Variants in ATXN3 observed in about 807,000 individuals in gnomAD.
ATXN3 encodes ataxin-3.
Under a neutral mutation model 58.2 loss-of-function variants are expected in ATXN3, and 28 were observed. The ratio of observed to expected loss-of-function variants is 0.48; its 90% confidence interval spans 0.36 to 0.66. ATXN3 has a LOEUF of 0.66. Among genes scored for constraint, ATXN3 ranks in the 30% least tolerant of loss-of-function variants. The pLI is 0.00. For missense variants in ATXN3, 321 were observed against 422.1 expected (o/e 0.76, Z 2.10); for synonymous variants, 113 against 138.5 (o/e 0.82, Z 1.29).
At chr14:92,099,955 G>A (rs996976543) in intron 1 of ATXN3, among the ~76,000 whole-genome samples, 3 of 149,546 alleles carry the variant, frequency 2.0e-5, no homozygotes, top group Non-Finnish European at 3.0e-5. Flanking sequence ...AGGAAGGAAG[G>A]AAGAAAAAGA....
chr14:92,077,658 C>G (rs1477253319), intron 9 of ATXN3: 1 of 127,132 alleles, frequency 7.9e-6, no homozygotes, highest in Non-Finnish European at 1.7e-5. Flanking sequence ...TTTTTTTTTT[C>G]TTTTTGAGAC....
At chr14:92,070,599 G>T in intron 10 of ATXN3, 2 of 571,458 alleles carry the variant, frequency 3.5e-6, no homozygotes, top group Non-Finnish European at 5.7e-6. Context: ...AAATATCCAT[G>T]ATGTCTAAGG....
intron 5 of ATXN3, among the ~76,000 whole-genome samples, chr14:92,092,931 T>C (rs1250333528): frequency 6.6e-6 from 1 of 151,356 alleles, no homozygotes; most frequent in Non-Finnish European, 1.5e-5. Flanking sequence ...GACAAAATCA[T>C]AGTTCACTGC....
chr14:92,093,943 G>C (rs934588811), intron 3 of ATXN3, 112 bp from the exon 4 acceptor site: 2 of 542,288 alleles, frequency 3.7e-6, no homozygotes. Context: ...GAAGGCTATA[G>C]GTTTTTTTTT....
chr14:92,081,483 A>AAAAG (rs2061470062), intron 8 of ATXN3, among the ~76,000 whole-genome samples: 1 of 149,144 alleles, frequency 6.7e-6, no homozygotes, highest in Non-Finnish European at 1.5e-5. Flanking sequence ...AAAAAAAAAA[A>AAAAG]AAAGAAAGAA....
intron 1 of ATXN3, among the ~76,000 whole-genome samples, chr14:92,101,018 A>G (rs957070022): frequency 1.4e-5 from 2 of 146,934 alleles, no homozygotes; most frequent in Admixed American, 7.2e-5. Context: ...TTTGATTAAA[A>G]TTCTCTCTAT....
At chr14:92,050,299 A>G (rs2057443681), upstream of ATXN3, 2 of 152,162 alleles carry the variant, frequency 1.3e-5, no homozygotes, top group South Asian at 2.1e-4. Flanking sequence ...TTGCTTTTGC[A>G]TATGTTTGAA....
At position 92,088,849 on chromosome 14, in the gene ATXN3, G is replaced by A. The variant is rs201197090; in HGVS notation, c.388-32C>T. 89 of 1,268,112 alleles carry A rather than the reference G, an allele frequency of 7.0e-5. No homozygotes were observed. In the African/African-American group the frequency reaches 1.1e-3, roughly 15 times the overall value. The allele number at this position is 1,268,112 out of a possible 1,614,324, so 78.6% of individuals were successfully genotyped here. On this transcript the variant is annotated intron_variant, in intron 5 of 10. Transcript: ENST00000644486. ...AAAAATTGTCAATATTTAAGTTAGTGTATATTATAGGTAATAAGGAAGTTT... is the reference window on the plus strand; with the variant it reads ...AAAAATTGTCAATATTTAAGTTAGTATATATTATAGGTAATAAGGAAGTTT...
intron 1 of ATXN3, among the ~76,000 whole-genome samples, chr14:92,048,277 G>A (rs1251359910): frequency 6.6e-6 from 1 of 152,182 alleles, no homozygotes; most frequent in Non-Finnish European, 1.5e-5. Context: ...GTCTCACAGT[G>A]GAGGCAAGGA....
intron 5 of ATXN3, among the ~76,000 whole-genome samples, chr14:92,092,497 C>T (rs1173466382): frequency 6.6e-6 from 1 of 152,206 alleles, no homozygotes; most frequent in Non-Finnish European, 1.5e-5. Context: ...AATAATCTTA[C>T]ACTAAAGCAA....
intron 2 of ATXN3, among the ~76,000 whole-genome samples, chr14:92,045,257 G>T (rs1025836420): frequency 6.6e-6 from 1 of 152,142 alleles, no homozygotes; most frequent in Admixed American, 6.5e-5. Context: ...GATTGAGGAC[G>T]GTAAGGGGTA....
chr14:92,083,589 G>T (rs2061857576), intron 6 of ATXN3: 2 of 404,864 alleles, frequency 4.9e-6, no homozygotes, highest in Admixed American at 3.4e-5. Context: ...GTCAGAGTGG[G>T]TAACAGCAAC....
In ATXN3 at chr14:92,062,878, T is replaced by C. The variant is rs1054472639; in HGVS notation, c.*1442A>G. 7.2e-5 allele frequency: 11 copies of C among 152,666 alleles called. No individual in the cohort carries two copies. The highest frequency in any genetic ancestry group is 2.7e-4 in the African/African-American group (11 of 41,462). 9.5% of individuals were successfully genotyped at this position (152,666 alleles called of 1,614,324 possible). Reference sequence around the variant, plus strand: ...ACCAGGAGGGCAATATACCATATTATAATTTTCGAAGTTGTCAGCTGAAAT... The same window carrying C: ...ACCAGGAGGGCAATATACCATATTACAATTTTCGAAGTTGTCAGCTGAAAT... On this transcript the variant is annotated 3_prime_UTR_variant, in exon 11 of 11. Transcript: ENST00000644486.
At chr14:92,056,712 AG>A (rs2057468301), downstream of ATXN3, among the ~76,000 whole-genome samples, 1 of 152,194 alleles carries the variant, frequency 6.6e-6, no homozygotes, top group African/African-American at 2.4e-5. Flanking sequence ...TGAAGAATAC[AG>A]AAGATGGATC....
At chr14:92,072,051 A>G (rs906698772) in intron 9 of ATXN3, among the ~76,000 whole-genome samples, 2 of 152,246 alleles carry the variant, frequency 1.3e-5, no homozygotes, top group African/African-American at 4.8e-5. Context: ...TGATAAATGA[A>G]ATAAATGAAA....
At chr14:92,099,930 A>G (rs889890483) in intron 1 of ATXN3, among the ~76,000 whole-genome samples, 3 of 151,744 alleles carry the variant, frequency 2.0e-5, no homozygotes, top group African/African-American at 7.3e-5. Context: ...AAGGAAAGAA[A>G]GAAGAAAGAA....
downstream of ATXN3, among the ~76,000 whole-genome samples, chr14:92,054,884 G>GT (rs2057460015): frequency 6.6e-6 from 1 of 151,924 alleles, no homozygotes; most frequent in Non-Finnish European, 1.5e-5. Flanking sequence ...GTTTGTTTTT[G>GT]TTTTTGTTTT....
intron 1 of ATXN3, among the ~76,000 whole-genome samples, chr14:92,099,599 T>C (rs2066252365): frequency 6.6e-6 from 1 of 152,254 alleles, no homozygotes. Flanking sequence ...CTGGCTGCGG[T>C]GGCTCATGCC....
chr14:92,064,278 A>G lies in ATXN3; in HGVS notation c.*42T>C. The G allele has an allele frequency of 1.4e-6, 2 of 1,396,788 alleles. No homozygotes were observed. The highest frequency in any genetic ancestry group is 2.0e-6 in the Non-Finnish European group (2 of 990,900). 86.5% of individuals were successfully genotyped at this position (1,396,788 alleles called of 1,614,324 possible). ...ACCCTATGCTGTAATCACACAGGAT[A>G]ATGTTGGAAAGTATGAATATCTAAA... On this transcript the variant is annotated 3_prime_UTR_variant, in exon 11 of 11. Transcript: ENST00000644486.
Sources: gnomAD v4.1 joint callset for allele counts (sites outside exome capture counted in the v4.1 genomes callset) on GRCh38, gnomAD v4.1.1 for gene constraint, MANE v1.5 for transcripts, NCBI Gene and HGNC (gene_info 2026-07-23, HGNC 2026-07-21) for gene names.